Variants in PLEKHA1 observed in about 807,000 individuals in gnomAD.
The protein encoded by PLEKHA1 is pleckstrin homology domain-containing family A member 1.
In PLEKHA1, 34 loss-of-function variants were observed where a neutral mutation model predicts 52.0. The ratio of observed to expected loss-of-function variants is 0.65; its 90% CI spans 0.50 to 0.87. The LOEUF (loss-of-function observed/expected upper bound fraction) is 0.87, where lower values mean the gene tolerates loss of function less well. Among genes scored for constraint, PLEKHA1 ranks in the 40% least tolerant of loss-of-function variants. PLEKHA1 has a pLI of 0.00. For synonymous variants in PLEKHA1, 163 were observed against 170.7 expected, an observed-to-expected ratio of 0.95 and a Z score of 0.35; for missense variants, 497 against 504.2, an observed-to-expected ratio of 0.99 and a Z score of 0.14.
At chr10:122,382,080 T>C (rs578053759) in intron 1 of PLEKHA1, among the ~76,000 whole-genome samples, 3 of 152,242 alleles carry the variant, frequency 2.0e-5, no homozygotes, top group Non-Finnish European at 4.4e-5. Context: ...GGGTTTCTTA[T>C]GTACTCTAGA....
chr10:122,380,807 G>A lies in PLEKHA1; in HGVS notation c.-21+6001G>A, dbSNP rs151317895. ...GTGGTGGGGGAGGTGGTGTTTTAACGTAGGCATCAGGAATTTTTAAAATTC... is the reference window on the plus strand; with the variant it reads ...GTGGTGGGGGAGGTGGTGTTTTAACATAGGCATCAGGAATTTTTAAAATTC... On this transcript the variant is annotated intron_variant, in intron 1 of 11. Transcript: ENST00000368990. Among the ~76,000 whole-genome samples the A allele has an allele frequency of 2.7e-3, 409 of 152,270 alleles. 1 individual carries two copies. The highest frequency in any genetic ancestry group is 4.1e-3 in the South Asian group (20 of 4,820).
chr10:122,402,274 A>G (rs1375654610), intron 4 of PLEKHA1, among the ~76,000 whole-genome samples: 1 of 152,216 alleles, frequency 6.6e-6, no homozygotes, highest in Non-Finnish European at 1.5e-5. Context: ...TGGTCAGGCA[A>G]TAGTTTATTA....
At chr10:122,376,522 AT>A (rs1302840019) in intron 1 of PLEKHA1, among the ~76,000 whole-genome samples, 34 of 118,118 alleles carry the variant, frequency 2.9e-4, no homozygotes, top group African/African-American at 7.8e-4. Flanking sequence ...ATATATATAT[AT>A]ATATATATAT....
intron 8 of PLEKHA1, 65 bp from the exon 9 acceptor site, chr10:122,424,134 C>T (rs973304647): frequency 2.0e-6 from 3 of 1,494,700 alleles, no homozygotes; most frequent in Non-Finnish European, 2.7e-6. Flanking sequence ...AGACAGCTAA[C>T]CTTTGAAAGG....
intron 2 of PLEKHA1, 98 bp from the exon 3 acceptor site, chr10:122,397,820 T>A: frequency 4.3e-6 from 4 of 931,686 alleles, no homozygotes; most frequent in Non-Finnish European, 6.3e-6. Flanking sequence ...TATTAAAAAA[T>A]TGAGTTTTTA....
chr10:122,390,630 T>A (rs1190871978), intron 1 of PLEKHA1, among the ~76,000 whole-genome samples: 3 of 152,104 alleles, frequency 2.0e-5, no homozygotes, highest in African/African-American at 7.2e-5. Flanking sequence ...ATAAAAAAGT[T>A]AGCTGGGCAT....
intron 1 of PLEKHA1, among the ~76,000 whole-genome samples, chr10:122,384,629 G>GAAA (rs2096663098): frequency 1.5e-5 from 2 of 134,950 alleles, no homozygotes; most frequent in African/African-American, 5.7e-5. Flanking sequence ...AAAAAAAAAT[G>GAAA]ACTTGTAGTC....
chr10:122,402,327 C>T (rs2096941030), intron 4 of PLEKHA1, among the ~76,000 whole-genome samples: 1 of 152,148 alleles, frequency 6.6e-6, no homozygotes, highest in Non-Finnish European at 1.5e-5. Flanking sequence ...GAAATGCTTA[C>T]CTTCAGAGAG....
chr10:122,381,753 C>A (rs559677419), intron 1 of PLEKHA1, among the ~76,000 whole-genome samples: 1 of 152,164 alleles, frequency 6.6e-6, no homozygotes, highest in Non-Finnish European at 1.5e-5. Flanking sequence ...TTTTCCTGAA[C>A]AACTGGAAGA....
intron 1 of PLEKHA1, among the ~76,000 whole-genome samples, chr10:122,379,487 C>T (rs997374452): frequency 1.3e-5 from 2 of 152,168 alleles, no homozygotes; most frequent in Non-Finnish European, 2.9e-5. Flanking sequence ...GAATGGGATG[C>T]AAGTCTGTTC....
chr10:122,375,859 C>T (rs892217543), intron 1 of PLEKHA1, among the ~76,000 whole-genome samples: 10 of 152,116 alleles, frequency 6.6e-5, no homozygotes, highest in African/African-American at 2.4e-4. Flanking sequence ...TACAATTGAT[C>T]GTTGTTTTAA....
At chr10:122,404,900 C>G (rs1303511820) in intron 4 of PLEKHA1, among the ~76,000 whole-genome samples, 1 of 152,172 alleles carries the variant, frequency 6.6e-6, no homozygotes. Context: ...ATTTCCCCTT[C>G]TCAGTCACAT....
In PLEKHA1 at chr10:122,424,960, G is replaced by A; in HGVS notation, c.810+1G>A. ...AACGTCTCGAACTTTCTATGTGCAGGTAAGATGCTTATTTGGCAATTAATA... is the reference window on the plus strand; with the variant it reads ...AACGTCTCGAACTTTCTATGTGCAGATAAGATGCTTATTTGGCAATTAATA... On this transcript the variant is annotated splice_donor_variant, in intron 10 of 11. Transcript: ENST00000368990. LOFTEE classifies it high-confidence loss of function. 6.2e-7 allele frequency: 1 copy of A among 1,602,950 alleles called. No individual in the cohort carries two copies. The highest frequency in any genetic ancestry group is 1.3e-5 in the African/African-American group (1 of 74,498).
At chr10:122,426,215 A>G (rs1436004271) in intron 10 of PLEKHA1, among the ~76,000 whole-genome samples, 2 of 150,404 alleles carry the variant, frequency 1.3e-5, no homozygotes, top group African/African-American at 2.4e-5. Flanking sequence ...GACCCTTTCT[A>G]TTTTGTCAAA....
chr10:122,440,041 A>G, the PLEKHA1 span: 1 of 152,202 alleles, frequency 6.6e-6, no homozygotes. Flanking sequence ...CTTCAACTCA[A>G]AATATCCAAT....
intron 1 of PLEKHA1, among the ~76,000 whole-genome samples, chr10:122,382,149 A>C (rs187444668): frequency 6.6e-6 from 1 of 152,330 alleles, no homozygotes; most frequent in African/African-American, 2.4e-5. Flanking sequence ...GATAATTCAC[A>C]CTATATAAAT....
intron 4 of PLEKHA1, among the ~76,000 whole-genome samples, chr10:122,402,416 A>G (rs771933603): frequency 1.2e-4 from 18 of 152,218 alleles, no homozygotes; most frequent in Non-Finnish European, 2.1e-4. Context: ...GTCCCAAACC[A>G]GTGAGAACAA....
intron 5 of PLEKHA1, among the ~76,000 whole-genome samples, chr10:122,410,265 C>T (rs537253258): frequency 9.7e-4 from 148 of 152,284 alleles, no homozygotes; most frequent in African/African-American, 3.5e-3. Context: ...ACTAGGATCA[C>T]ATGCAAATGC....
intron 5 of PLEKHA1, chr10:122,411,851 A>G (rs1219284317): frequency 6.6e-6 from 1 of 152,228 alleles, no homozygotes; most frequent in African/African-American, 2.4e-5. Flanking sequence ...AAATGTTTCT[A>G]CACCACTACT....
Sources: allele counts gnomAD v4.1 joint callset (sites outside exome capture counted in the v4.1 genomes callset), GRCh38; gene constraint gnomAD v4.1.1; transcripts MANE v1.5; gene names NCBI Gene and HGNC (gene_info 2026-07-23, HGNC 2026-07-21).